The following HMCN1 variants were observed in gnomAD, a reference collection of about 807,000 sequenced individuals.
The protein encoded by HMCN1 is hemicentin 1.
In HMCN1, 321 loss-of-function variants were observed where a neutral mutation model predicts 625.9. That is an observed-to-expected ratio of 0.51 (90% CI 0.47 to 0.56). The LOEUF (loss-of-function observed/expected upper bound fraction) is 0.56, where lower values mean the gene tolerates loss of function less well. HMCN1 is among the 20% of genes least tolerant of loss of function. HMCN1 has a pLI of 0.00. For missense variants in HMCN1, 6,588 were observed against 6,887.3 expected, an observed-to-expected ratio of 0.96 and a Z score of 1.54; for synonymous variants, 2,425 against 2,417.6, an observed-to-expected ratio of 1.00 and a Z score of -0.09.
At chr1:185,980,702 C>T (rs74134252) in intron 16 of HMCN1, among the ~76,000 whole-genome samples, 7 of 152,142 alleles carry the variant, frequency 4.6e-5, no homozygotes, top group East Asian at 1.9e-4. Flanking sequence ...CTGGACTGCC[C>T]GTCCTCTATT....
chr1:185,953,671 A>C (rs1186485232), intron 11 of HMCN1, among the ~76,000 whole-genome samples: 6 of 151,814 alleles, frequency 4.0e-5, no homozygotes, highest in South Asian at 2.1e-4. Flanking sequence ...GACCTGAGGT[A>C]GTAGGTGGAT....
intron 1 of HMCN1, among the ~76,000 whole-genome samples, chr1:185,772,108 A>G (rs1286584724): frequency 6.6e-6 from 1 of 152,216 alleles, no homozygotes; most frequent in Non-Finnish European, 1.5e-5. Context: ...ACAACAAGTA[A>G]TCTAGAGTGG....
rs1209912826 is a variant in HMCN1 at position 185,882,471 on chromosome 1, ATTTCT to A, written c.621+16614_621+16618del. Among the ~76,000 whole-genome samples the A allele has an allele frequency of 4.0e-5, 6 of 151,738 alleles. No homozygotes were observed. In the East Asian group the frequency reaches 1.2e-3, roughly 29 times the overall value. On this transcript the variant is annotated intron_variant, in intron 4 of 106. Coordinates refer to ENST00000271588, the MANE Select transcript of HMCN1 (RefSeq NM_031935.3). ...ACAGTTTGGCTTTTACCTGTTTTAC[ATTTCT>A]TTTCTGTGTACCATTTGATTTGACA...
At chr1:185,746,228 G>A (rs974049715) in intron 1 of HMCN1, among the ~76,000 whole-genome samples, 8 of 152,132 alleles carry the variant, frequency 5.3e-5, no homozygotes, top group African/African-American at 9.7e-5. Context: ...CATAGGCCCC[G>A]GAGTCTGATG....
At chr1:186,148,253 G>T (rs1571419639) in intron 93 of HMCN1, among the ~76,000 whole-genome samples, 1 of 152,124 alleles carries the variant, frequency 6.6e-6, no homozygotes, top group South Asian at 2.1e-4. Context: ...CCATCTTTAG[G>T]ATATACTTCT....
chr1:185,845,286 C>T (rs1011145046), intron 1 of HMCN1, among the ~76,000 whole-genome samples: 24 of 152,072 alleles, frequency 1.6e-4, no homozygotes, highest in African/African-American at 4.8e-4. Context: ...GGCATGAACT[C>T]GGCTCACTGC....
chr1:185,861,891 G>T (rs1461696377), intron 2 of HMCN1, among the ~76,000 whole-genome samples: 1 of 152,110 alleles, frequency 6.6e-6, no homozygotes, highest in Non-Finnish European at 1.5e-5. Flanking sequence ...CCAGCACTGT[G>T]CTATGAACTG....
intron 1 of HMCN1, among the ~76,000 whole-genome samples, chr1:185,824,024 T>C (rs1172162323): frequency 6.6e-6 from 1 of 152,202 alleles, no homozygotes; most frequent in African/African-American, 2.4e-5. Flanking sequence ...ACATGGCATA[T>C]TTCTGATAGA....
chr1:185,990,849 C>T (rs550321742), intron 22 of HMCN1, among the ~76,000 whole-genome samples: 4 of 152,182 alleles, frequency 2.6e-5, no homozygotes, highest in Non-Finnish European at 5.9e-5. Flanking sequence ...CTTGCTTAAA[C>T]CCTTATACAA....
intron 11 of HMCN1, among the ~76,000 whole-genome samples, chr1:185,943,263 A>G (rs990496677): frequency 2.6e-5 from 4 of 152,186 alleles, no homozygotes; most frequent in African/African-American, 9.6e-5. Context: ...GGTCAGAAGT[A>G]TAGGCGACAA....
chr1:185,982,123 C>T lies in HMCN1; in HGVS notation c.2663-139C>T, dbSNP rs528836631. The T allele has an allele frequency of 1.9e-5, 16 of 839,396 alleles. No homozygotes were observed. The South Asian group carries it at 2.1e-4, about 11-fold the overall frequency. 52.0% of individuals were successfully genotyped at this position (839,396 alleles called of 1,614,324 possible). A position where few individuals can be genotyped will look rare whatever the true frequency, so the allele number is the denominator to read the frequency against. ...TTTAATTTTTACTTTCAAAATCATA[C>T]CCATTTTCATGTAAATATTTTGTTT... On this transcript the variant is annotated intron_variant, in intron 17 of 106. Transcript: ENST00000271588.
At chr1:185,883,031 T>C (rs1367497022) in intron 4 of HMCN1, among the ~76,000 whole-genome samples, 1 of 152,118 alleles carries the variant, frequency 6.6e-6, no homozygotes, top group Admixed American at 6.5e-5. Flanking sequence ...ACAAGGGTTT[T>C]GCTTTAAATG....
At chr1:186,019,725 G>T in intron 35 of HMCN1, 30 bp downstream of exon 35, 1 of 1,580,500 alleles carries the variant, frequency 6.3e-7, no homozygotes, top group South Asian at 1.1e-5. Context: ...AGCCTAAACT[G>T]GGAAAGCTAC....
chr1:185,971,991 T>A (rs1308298682), intron 15 of HMCN1, among the ~76,000 whole-genome samples: 1 of 152,194 alleles, frequency 6.6e-6, no homozygotes, highest in Non-Finnish European at 1.5e-5. Context: ...GCAAGCAAGA[T>A]GTAAAACACA....
intron 11 of HMCN1, among the ~76,000 whole-genome samples, chr1:185,952,555 C>T (rs879073820): frequency 6.6e-6 from 1 of 151,716 alleles, no homozygotes. Flanking sequence ...ACCATTTGCC[C>T]ATTTTATGAC....
At chr1:185,845,498 G>T (rs1345548564) in intron 1 of HMCN1, among the ~76,000 whole-genome samples, 3 of 152,184 alleles carry the variant, frequency 2.0e-5, no homozygotes, top group Non-Finnish European at 4.4e-5. Context: ...TGAGATTACA[G>T]GCGTGAGCCA....
At chr1:186,062,640 T>C in intron 48 of HMCN1, 40 bp downstream of exon 48, 2 of 1,276,238 alleles carry the variant, frequency 1.6e-6, no homozygotes, top group Non-Finnish European at 2.3e-6. Context: ...CTCCCCCCAC[T>C]CACTGATAGT....
intron 1 of HMCN1, among the ~76,000 whole-genome samples, chr1:185,801,574 C>T (rs573011192): frequency 9.7e-4 from 148 of 152,282 alleles, no homozygotes; most frequent in Non-Finnish European, 1.1e-3. Context: ...TCACATTAAA[C>T]AGTTGAAAAT....
rs1393645572 is a variant in HMCN1, at chr1:185,962,533, C to T, written c.1844C>T (p.Thr615Ile). Residue 615 changes from threonine to isoleucine, a missense_variant, in exon 12 of 107, where the codon ACT becomes ATT. This residue lies in a region of HMCN1 where 4,628 missense variants were observed against 4,853.1 expected (regional missense o/e 0.95). Coordinates refer to ENST00000271588, the MANE Select transcript of HMCN1 (RefSeq NM_031935.3). The stretch of plus-strand genomic sequence containing the variant: ...TTATTTGCAGAACCACCCAAAGTCA[C>T]TGTGATGCCCAAGAATCAGTCTTTC... The part of the protein sequence containing the change: ...FLTVQEPPKV[T>I]VMPKNQSFTG... The T allele has an allele frequency of 6.2e-7, 1 of 1,613,326 alleles. No homozygotes were observed. Among genetic ancestry groups the T allele is most frequent in the Non-Finnish European group, 8.5e-7 (1 of 1,179,350 alleles).
Sources: allele counts gnomAD v4.1 joint callset (sites outside exome capture counted in the v4.1 genomes callset), GRCh38; gene constraint gnomAD v4.1.1; regional missense constraint gnomAD v4.1.1; transcripts MANE v1.5; gene names NCBI Gene and HGNC (gene_info 2026-07-23, HGNC 2026-07-21).